PLA2G4A: variants seen among roughly 807,000 people sequenced by gnomAD.
PLA2G4A encodes phospholipase A2 group IVA, also known as cytosolic phospholipase A2.
PLA2G4A carries 40 observed loss-of-function variants against 81.9 expected under a neutral mutation model. The observed-to-expected ratio is 0.49, with a 90% CI of 0.38 to 0.64. The LOEUF (loss-of-function observed/expected upper bound fraction) is 0.64, where lower values mean the gene tolerates loss of function less well. PLA2G4A is among the 30% of genes least tolerant of loss of function. The pLI is 0.00. For missense variants in PLA2G4A, 715 were observed against 905.1 expected (o/e 0.79, Z 2.69); for synonymous variants, 302 against 296.9 (o/e 1.02, Z -0.18).
At chr1:186,901,834 G>T (rs1654549955) in intron 5 of PLA2G4A, among the ~76,000 whole-genome samples, 1 of 152,156 alleles carries the variant, frequency 6.6e-6, no homozygotes, top group African/African-American at 2.4e-5. Flanking sequence ...CAATTTTTTT[G>T]TGTGTGTGGG....
Position 186,946,914 on chromosome 1 carries a change from G to A in PLA2G4A, c.1217G>A (p.Gly406Asp), listed in dbSNP as rs1571430289. The change falls in exon 12 of 18, where the codon GGC becomes GAC. Residue 406 changes from glycine (G) to aspartate (D), a missense_variant. By Grantham distance (94) the Gly-to-Asp change is moderately conservative. Coordinates refer to ENST00000367466, the MANE Select transcript of PLA2G4A (RefSeq NM_024420.3). ...AFSILFNRVL[G>D]VSGSQSRGST... Reference sequence around the variant, plus strand: ...TCCATATTGTTCAACAGAGTTTTGGGCGTTTCTGGTTCACAAAGCAGAGGC... The same window carrying A: ...TCCATATTGTTCAACAGAGTTTTGGACGTTTCTGGTTCACAAAGCAGAGGC... 6.2e-7 allele frequency: 1 copy of A among 1,612,624 alleles called. No homozygotes were observed. Among genetic ancestry groups the A allele is most frequent in the Non-Finnish European group, 8.5e-7 (1 of 1,178,844 alleles).
At chr1:186,845,810 C>T (rs1228194183) in intron 1 of PLA2G4A, among the ~76,000 whole-genome samples, 1 of 152,160 alleles carries the variant, frequency 6.6e-6, no homozygotes, top group Non-Finnish European at 1.5e-5. Flanking sequence ...TACTATTAAA[C>T]TTTCATTGAA....
At chr1:186,973,284 C>T (rs1319027487) in intron 15 of PLA2G4A, among the ~76,000 whole-genome samples, 2 of 152,142 alleles carry the variant, frequency 1.3e-5, no homozygotes, top group Non-Finnish European at 2.9e-5. Context: ...AGGCATTGCT[C>T]GCCTTGTGGT....
At position 186,939,225 on chromosome 1, in the gene PLA2G4A, C is replaced by G. The variant is rs998459473; in HGVS notation, c.913C>G (p.His305Asp). The G allele has an allele frequency of 6.8e-7, 1 of 1,468,922 alleles. No homozygotes were observed. The highest frequency in any genetic ancestry group is 9.5e-7 in the Non-Finnish European group (1 of 1,049,100). 91.0% of individuals were successfully genotyped at this position (1,468,922 alleles called of 1,614,324 possible). ...FGMLIGETLI[H>D]NRMNTTLSSL... ...GATGTTAATAGGAGAAACACTAATT[C>G]ATAATGTAAGTTACAGTTCAATCTA... Residue 305 changes from histidine (H) to aspartate (D), a missense_variant, in exon 9 of 18, where the codon CAT becomes GAT. By Grantham distance (81) the His-to-Asp change is moderately conservative. Coordinates refer to ENST00000367466, the MANE Select transcript of PLA2G4A (RefSeq NM_024420.3).
intron 1 of PLA2G4A, among the ~76,000 whole-genome samples, chr1:186,830,162 C>T (rs537765895): frequency 1.7e-3 from 252 of 152,116 alleles, no homozygotes; most frequent in African/African-American, 5.5e-3. Context: ...TCATTAGCTC[C>T]GGAAGAGTTA....
rs1375338615 is a variant in PLA2G4A, at chr1:186,871,494, G to A, written c.115+978G>A. ...AATGTATCGTCCAGGAAACAGGTAG[G>A]GTTCCCAGCCCAAATGACATTTAAA... On this transcript the variant is annotated intron_variant, in intron 3 of 17. Coordinates refer to ENST00000367466, the MANE Select transcript of PLA2G4A (RefSeq NM_024420.3). Among the ~76,000 whole-genome samples, 5 of 152,070 alleles carry A rather than the reference G, an allele frequency of 3.3e-5. No individual in the cohort carries two copies. The East Asian group carries it at 5.8e-4, about 18-fold the overall frequency.
intron 17 of PLA2G4A, among the ~76,000 whole-genome samples, chr1:186,983,426 T>C (rs1657793623): frequency 1.3e-5 from 2 of 152,230 alleles, no homozygotes; most frequent in South Asian, 4.1e-4. Flanking sequence ...TTCAATTCAC[T>C]CTGACCTCAA....
chr1:186,904,356 C>T (rs1423817460), intron 5 of PLA2G4A, among the ~76,000 whole-genome samples: 2 of 152,190 alleles, frequency 1.3e-5, no homozygotes, highest in Admixed American at 6.5e-5. Context: ...AGCATGGAAG[C>T]CTGTAATGCA....
At position 186,942,903 on chromosome 1, in the gene PLA2G4A, C is replaced by G. The variant is rs1414734470; in HGVS notation, c.1033+2809C>G. Among the ~76,000 whole-genome samples, 4 of 152,178 alleles carry G rather than the reference C, an allele frequency of 2.6e-5. No individual in the cohort carries two copies. The East Asian group carries it at 7.7e-4, about 29-fold the overall frequency. On this transcript the variant is annotated intron_variant, in intron 10 of 17. Transcript: ENST00000367466. ...AGGCGGGTTGAGCTGTGTCTTCCAA[C>G]AGATTTAGACAAAATCATTAAACAT...
chr1:186,977,586 C>T lies in PLA2G4A; in HGVS notation c.1765-7C>T. 6.3e-7 allele frequency: 1 copy of T among 1,598,594 alleles called. No homozygotes were observed. Among genetic ancestry groups the T allele is most frequent in the Non-Finnish European group, 8.6e-7 (1 of 1,165,958 alleles). ...TTTCCAAATTCATCTTTCCATCTTTCCCATAGGAACTTCTACTTGCAGAAA... is the reference window on the plus strand; with the variant it reads ...TTTCCAAATTCATCTTTCCATCTTTTCCATAGGAACTTCTACTTGCAGAAA... On this transcript the variant is annotated splice_region_variant and splice_polypyrimidine_tract_variant and intron_variant, in intron 15 of 17. Coordinates refer to ENST00000367466, the MANE Select transcript of PLA2G4A (RefSeq NM_024420.3).
rs12720665 is a variant in PLA2G4A at position 186,965,930 on chromosome 1, A to T, written c.1764+337A>T. ...GGAGAGGGTACACCCTGAGAAGAGA[A>T]GTAGACATAAATAGTACTTTAAAGA... On this transcript the variant is annotated intron_variant, in intron 15 of 17. Coordinates refer to ENST00000367466, the MANE Select transcript of PLA2G4A (RefSeq NM_024420.3). Among the ~76,000 whole-genome samples, 285 of 152,214 alleles carry T rather than the reference A, an allele frequency of 1.9e-3. 3 individuals are homozygous for T. Among genetic ancestry groups the T allele is most frequent in the African/African-American group, 6.4e-3 (266 of 41,528 alleles).
At chr1:186,899,104 G>A (rs896450085) in intron 5 of PLA2G4A, among the ~76,000 whole-genome samples, 1 of 152,172 alleles carries the variant, frequency 6.6e-6, no homozygotes, top group Admixed American at 6.5e-5. Flanking sequence ...ATAATGACAA[G>A]TGCTAACTAA....
chr1:186,913,085 AT>A (rs11320837), intron 7 of PLA2G4A, among the ~76,000 whole-genome samples: 83,977 of 150,486 alleles, frequency 0.56, 24,854 homozygotes, highest in African/African-American at 0.76. Context: ...AATATTCCAA[AT>A]TCTTTATATT....
At chr1:186,963,310 G>A (rs1400337576) in intron 14 of PLA2G4A, among the ~76,000 whole-genome samples, 1 of 152,190 alleles carries the variant, frequency 6.6e-6, no homozygotes, top group African/African-American at 2.4e-5. Context: ...GGGCTCGACA[G>A]TTTATATAGT....
intron 14 of PLA2G4A, among the ~76,000 whole-genome samples, chr1:186,964,154 C>G (rs1657051064): frequency 6.6e-6 from 1 of 152,152 alleles, no homozygotes; most frequent in Admixed American, 6.5e-5. Flanking sequence ...CTTTATTCTA[C>G]TATCATAGGC....
chr1:186,975,893 T>C (rs1293650987), intron 15 of PLA2G4A, among the ~76,000 whole-genome samples: 3 of 152,230 alleles, frequency 2.0e-5, no homozygotes, highest in Non-Finnish European at 4.4e-5. Context: ...TGCAGCACCT[T>C]CCTGCCTTTA....
At chr1:186,966,908 T>G (rs1232181389) in intron 15 of PLA2G4A, among the ~76,000 whole-genome samples, 1 of 152,230 alleles carries the variant, frequency 6.6e-6, no homozygotes, top group African/African-American at 2.4e-5. Context: ...TTATTTTGTT[T>G]TAATCATTTG....
chr1:186,939,532 A>G (rs989007449), intron 9 of PLA2G4A, among the ~76,000 whole-genome samples: 2 of 151,562 alleles, frequency 1.3e-5, no homozygotes, highest in Non-Finnish European at 2.9e-5. Flanking sequence ...TTAACCCTTA[A>G]CTGCCCATTC....
At chr1:186,934,443 C>CATATATATATATACATATATAT (rs1655860586) in intron 8 of PLA2G4A, among the ~76,000 whole-genome samples, 1 of 99,564 alleles carries the variant, frequency 1.0e-5, no homozygotes, top group Non-Finnish European at 1.9e-5. Flanking sequence ...TAAATGTGCA[C>CATATATATATATACATATATAT]ATATATATAT....
Sources: gnomAD v4.1 joint callset for allele counts (sites outside exome capture counted in the v4.1 genomes callset) on GRCh38, gnomAD v4.1.1 for gene constraint, MANE v1.5 for transcripts, NCBI Gene and HGNC (gene_info 2026-07-23, HGNC 2026-07-21) for gene names.